CCL25: variants seen among roughly 807,000 people sequenced by gnomAD.
CCL25 encodes C-C motif chemokine 25.
In CCL25, 14 loss-of-function variants were observed where a neutral mutation model predicts 19.9. The observed-to-expected ratio is 0.70, with a 90% CI of 0.47 to 1.10. The LOEUF (loss-of-function observed/expected upper bound fraction) is 1.10, where lower values mean the gene tolerates loss of function less well. CCL25 is among the 50% of genes least tolerant of loss of function. The pLI, the probability that CCL25 is intolerant of heterozygous loss-of-function variation, is 0.00. For missense variants in CCL25, 151 were observed against 181.2 expected (o/e 0.83, Z 0.96); for synonymous variants, 68 against 73.2 (o/e 0.93, Z 0.36).
At position 8,056,415 on chromosome 19, in the gene CCL25, AG is replaced by A; in HGVS notation, c.244del (p.Glu82ArgfsTer6). 9.3e-6 allele frequency: 15 copies of A among 1,614,072 alleles called. No homozygotes were observed. The highest frequency in any genetic ancestry group is 1.2e-5 in the Non-Finnish European group (14 of 1,179,988). ...GAAGGTGTGTGGGAACCCCAAAAGCAGGGAGGTGCAGAGAGCCATGAAGCTC... is the reference window on the plus strand; with the variant it reads ...GAAGGTGTGTGGGAACCCCAAAAGCAGGAGGTGCAGAGAGCCATGAAGCTC... ...HRKVCGNPKS[R>X]EVQRAMKLLD... On this transcript the variant is annotated frameshift_variant, in exon 4 of 6. Transcript: ENST00000315626. LOFTEE classifies it high-confidence loss of function.
chr19:8,052,991 C>T lies in CCL25; in HGVS notation c.-50-9C>T, dbSNP rs897170591. The T allele has an allele frequency of 4.6e-5, 58 of 1,267,400 alleles. No homozygotes were observed. The highest frequency in any genetic ancestry group is 3.6e-4 in the East Asian group (14 of 39,396). The allele number at this position is 1,267,400 out of a possible 1,614,324, so 78.5% of individuals were successfully genotyped here. On this transcript the variant is annotated splice_polypyrimidine_tract_variant and intron_variant, in intron 1 of 5. Transcript: ENST00000315626. ...CCTCAGTCCTTACCACTTCCCTCCA[C>T]GACCCCAGGTGGCCCCGTTATTCGT... is the stretch of plus-strand genomic sequence containing the variant.
In CCL25 at chr19:8,056,243, CG is replaced by C; in HGVS notation, c.168del (p.Ser57AlafsTer31). On this transcript the variant is annotated frameshift_variant, in exon 3 of 6. Transcript: ENST00000315626. LOFTEE classifies it high-confidence loss of function. Reference sequence around the variant, plus strand: ...GGACTTACCGGATCCAGGAGGTGAGCGGGAGCTGCAATCTGCCTGCTGCGAT... The same window carrying C: ...GGACTTACCGGATCCAGGAGGTGAGCGGAGCTGCAATCTGCCTGCTGCGAT... ...AWTYRIQEVS[G>X]SCNLPAAIFY... The C allele has an allele frequency of 7.3e-7, 1 of 1,373,314 alleles. No individual in the cohort carries two copies. Among genetic ancestry groups the C allele is most frequent in the Non-Finnish European group, 9.6e-7 (1 of 1,042,862 alleles). The allele number at this position is 1,373,314 out of a possible 1,614,324, so 85.1% of individuals were successfully genotyped here. A position where few individuals can be genotyped will look rare whatever the true frequency, so the allele number is the denominator to read the frequency against.
intron 5 of CCL25, among the ~76,000 whole-genome samples, chr19:8,061,208 T>C (rs186288742): frequency 6.6e-6 from 1 of 150,904 alleles, no homozygotes; most frequent in South Asian, 2.1e-4. Context: ...AGGCTGGTCT[T>C]GAACTCCTGA....
chr19:8,057,089 C>T (rs1460822802), intron 4 of CCL25, among the ~76,000 whole-genome samples: 1 of 152,094 alleles, frequency 6.6e-6, no homozygotes, highest in Admixed American at 6.6e-5. Flanking sequence ...GGCACGATCT[C>T]GGCTCACTGC....
At chr19:8,060,392 G>C (rs1320987854) in intron 5 of CCL25, among the ~76,000 whole-genome samples, 2 of 152,060 alleles carry the variant, frequency 1.3e-5, no homozygotes, top group African/African-American at 4.8e-5. Context: ...TAAGCCAGAT[G>C]GAAGAGATGC....
intron 5 of CCL25, among the ~76,000 whole-genome samples, chr19:8,060,174 A>G (rs2081307966): frequency 6.6e-6 from 1 of 151,714 alleles, no homozygotes; most frequent in South Asian, 2.1e-4. Context: ...TCTCAAGAAA[A>G]AAAAAAACAA....
intron 2 of CCL25, among the ~76,000 whole-genome samples, chr19:8,053,334 T>A (rs1316983445): frequency 6.6e-6 from 1 of 152,058 alleles, no homozygotes; most frequent in Admixed American, 6.6e-5. Context: ...GAGAGCCCCA[T>A]GGAGTCTTTT....
Position 8,055,535 on chromosome 19 carries a change from C to T in CCL25, c.74-617C>T, listed in dbSNP as rs548224957. On this transcript the variant is annotated intron_variant, in intron 2 of 5. Transcript: ENST00000315626. Reference sequence around the variant, plus strand: ...ATTTTTAGTAGAGACGGGGTTTCACCGTGTTAGCCAGGATGGTCTCAATCT... The same window carrying T: ...ATTTTTAGTAGAGACGGGGTTTCACTGTGTTAGCCAGGATGGTCTCAATCT... Among the ~76,000 whole-genome samples, 130 of 151,912 alleles carry T rather than the reference C, an allele frequency of 8.6e-4. 1 individual carries two copies. The highest frequency in any genetic ancestry group is 4.4e-3 in the South Asian group (21 of 4,800).
chr19:8,058,329 T>C lies in CCL25; in HGVS notation c.445+409T>C, dbSNP rs12461685. Among the ~76,000 whole-genome samples the C allele has an allele frequency of 2.8e-3, 251 of 91,130 alleles. 1 individual carries two copies. Among genetic ancestry groups the C allele is most frequent in the African/African-American group, 7.0e-3 (216 of 31,038 alleles). 59.8% of individuals were successfully genotyped at this position (91,130 alleles called of 152,430 possible). The stretch of plus-strand genomic sequence containing the variant: ...ATATAATATATAAGTAAATATATAA[T>C]ATATAAATATATATAATATATATAA... On this transcript the variant is annotated intron_variant, in intron 5 of 5. Transcript: ENST00000315626.
At chr19:8,056,305 C>T (rs77625270) in intron 3 of CCL25, 36 bp downstream of exon 3, 105,252 of 1,599,602 alleles carry the variant, frequency 0.066, 3,886 homozygotes, top group Middle Eastern at 0.099. Flanking sequence ...GGGTGGGGTG[C>T]ACACACAGCC....
At position 8,053,057 on chromosome 19, in the gene CCL25, T is replaced by C. The variant is rs2081243494; in HGVS notation, c.8T>C (p.Leu3Pro). The C allele has an allele frequency of 6.4e-7, 1 of 1,551,420 alleles. No homozygotes were observed. Among genetic ancestry groups the C allele is most frequent in the Non-Finnish European group, 8.7e-7 (1 of 1,147,466 alleles). MNLWLLACLVAGF... is the reference protein window; with the variant it reads MNPWLLACLVAGF... Reference sequence around the variant, plus strand: ...GGAGGACCCGCCTGCAGCATGAACCTGTGGCTCCTGGCCTGCCTGGTGGCC... The same window carrying C: ...GGAGGACCCGCCTGCAGCATGAACCCGTGGCTCCTGGCCTGCCTGGTGGCC... Residue 3 changes from leucine (L) to proline (P), a missense_variant, in exon 2 of 6, where the codon CTG becomes CCG. By Grantham distance (98) the Leu-to-Pro change is moderately conservative (BLOSUM62 -3). Coordinates refer to ENST00000315626, the MANE Select transcript of CCL25 (RefSeq NM_005624.4).
chr19:8,058,759 C>T (rs1226044633), intron 5 of CCL25, among the ~76,000 whole-genome samples: 5 of 138,636 alleles, frequency 3.6e-5, no homozygotes, highest in Non-Finnish European at 6.1e-5. Context: ...TCCGGGTTCA[C>T]GCCATTCTCC....
At chr19:8,056,541 C>T (rs113146040) in intron 4 of CCL25, 42 bp downstream of exon 4, 2 of 1,610,276 alleles carry the variant, frequency 1.2e-6, no homozygotes, top group East Asian at 2.2e-5. Flanking sequence ...GCCTGCCCTC[C>T]CTGCCTGCAA....
chr19:8,054,599 T>A (rs543274875), intron 2 of CCL25, among the ~76,000 whole-genome samples: 1 of 152,170 alleles, frequency 6.6e-6, no homozygotes, highest in East Asian at 1.9e-4. Context: ...CACTATCTCA[T>A]CAGCTCATCC....
chr19:8,055,476 C>T (rs1204115476), intron 2 of CCL25, among the ~76,000 whole-genome samples: 2 of 149,944 alleles, frequency 1.3e-5, no homozygotes, highest in Non-Finnish European at 3.0e-5. Context: ...GCTGGGACTC[C>T]AGGCGCCCAC....
At chr19:8,056,012 G>A (rs943234188) in intron 2 of CCL25, 140 bp from the exon 3 acceptor site, 17 of 621,776 alleles carry the variant, frequency 2.7e-5, no homozygotes, top group Non-Finnish European at 4.5e-5. Flanking sequence ...TCTTTCCTAA[G>A]GCTGTTCCTC....
intron 2 of CCL25, among the ~76,000 whole-genome samples, chr19:8,055,280 C>A (rs550914119): frequency 1.4e-5 from 1 of 69,492 alleles, no homozygotes; most frequent in South Asian, 8.0e-4. Flanking sequence ...CAGAGTGAGA[C>A]TCTGGAAAAA....
intron 4 of CCL25, 40 bp downstream of exon 4, chr19:8,056,539 T>A: frequency 6.2e-7 from 1 of 1,610,594 alleles, no homozygotes; most frequent in Non-Finnish European, 8.5e-7. Flanking sequence ...GGGCCTGCCC[T>A]CCCTGCCTGC....
intron 5 of CCL25, among the ~76,000 whole-genome samples, chr19:8,059,025 T>C (rs1037602611): frequency 7.7e-6 from 1 of 129,596 alleles, no homozygotes; most frequent in African/African-American, 2.9e-5. Flanking sequence ...ATAATATAAA[T>C]ATATGTAATA....
Sources: gnomAD v4.1 joint callset for allele counts (sites outside exome capture counted in the v4.1 genomes callset) on GRCh38, gnomAD v4.1.1 for gene constraint, MANE v1.5 for transcripts, NCBI Gene and HGNC (gene_info 2026-07-23, HGNC 2026-07-21) for gene names.